Variants in DTWD2 observed in about 807,000 individuals in gnomAD.
The protein encoded by DTWD2 is tRNA-uridine aminocarboxypropyltransferase 2.
A neutral mutation model predicts 31.8 loss-of-function variants in DTWD2; 39 were observed. The ratio of observed to expected loss-of-function variants is 1.22; its 90% CI spans 0.95 to 1.60. DTWD2 has a LOEUF of 1.60. Among genes scored for constraint, DTWD2 ranks in the 40% most tolerant of loss-of-function variants. The probability of loss-of-function intolerance (pLI) is 0.00; values close to 1 mark genes in which losing one functional copy is unlikely to be tolerated. For synonymous variants in DTWD2, 180 were observed against 142.8 expected, an observed-to-expected ratio of 1.26 and a Z score of -1.86; for missense variants, 515 against 381.5, an observed-to-expected ratio of 1.35 and a Z score of -2.92.
intron 4 of DTWD2, among the ~76,000 whole-genome samples, chr5:118,872,410 C>A (rs1422630380): frequency 6.6e-6 from 1 of 152,182 alleles, no homozygotes; most frequent in Non-Finnish European, 1.5e-5. Context: ...CATTTCTAGC[C>A]TTTGATTTAA....
At chr5:118,856,588 C>G (rs1333761599) in intron 4 of DTWD2, among the ~76,000 whole-genome samples, 1 of 152,102 alleles carries the variant, frequency 6.6e-6, no homozygotes, top group Non-Finnish European at 1.5e-5. Context: ...AAAGTAGTTA[C>G]ATTATATACA....
chr5:118,843,371 G>GAGGAAGGA (rs1554060661), intron 5 of DTWD2, among the ~76,000 whole-genome samples: 1 of 143,638 alleles, frequency 7.0e-6, no homozygotes, highest in African/African-American at 2.7e-5. Context: ...GGGAGGAAGG[G>GAGGAAGGA]AGGAAGGAAG....
intron 4 of DTWD2, among the ~76,000 whole-genome samples, chr5:118,885,949 A>G (rs924197620): frequency 6.6e-6 from 1 of 152,116 alleles, no homozygotes; most frequent in African/African-American, 2.4e-5. Flanking sequence ...TAGGTAACAG[A>G]GTGAGAAATT....
chr5:118,980,049 C>G (rs299192), intron 1 of DTWD2, among the ~76,000 whole-genome samples: 80,944 of 152,112 alleles, frequency 0.53, 22,329 homozygotes, highest in East Asian at 0.97. Context: ...TCTTCATTTT[C>G]GTAACTGGAC....
At chr5:118,873,079 C>T (rs1455013424) in intron 4 of DTWD2, among the ~76,000 whole-genome samples, 1 of 152,212 alleles carries the variant, frequency 6.6e-6, no homozygotes, top group Non-Finnish European at 1.5e-5. Context: ...GAGCAATCTG[C>T]TCTCACTATG....
chr5:118,862,330 G>C (rs1752280375), intron 4 of DTWD2, among the ~76,000 whole-genome samples: 1 of 152,190 alleles, frequency 6.6e-6, no homozygotes, highest in African/African-American at 2.4e-5. Context: ...AGAACAGCTA[G>C]AAAGCTGGAG....
chr5:118,963,504 A>ATC (rs1754753155), intron 1 of DTWD2, among the ~76,000 whole-genome samples: 1 of 152,240 alleles, frequency 6.6e-6, no homozygotes, highest in Non-Finnish European at 1.5e-5. Context: ...GATGTTACAC[A>ATC]AAAGATTCTG....
At chr5:118,901,068 T>A (rs1753200155) in intron 4 of DTWD2, among the ~76,000 whole-genome samples, 1 of 151,954 alleles carries the variant, frequency 6.6e-6, no homozygotes, top group African/African-American at 2.4e-5. Context: ...TCTGCAAAGA[T>A]TCAGCTACAT....
At chr5:118,932,754 G>C (rs1271640806) in intron 3 of DTWD2, among the ~76,000 whole-genome samples, 1 of 152,112 alleles carries the variant, frequency 6.6e-6, no homozygotes, top group Non-Finnish European at 1.5e-5. Flanking sequence ...GCCAAGGAGA[G>C]GCCTCAGGAG....
At chr5:118,857,919 T>C (rs1334589907) in intron 4 of DTWD2, among the ~76,000 whole-genome samples, 2 of 152,198 alleles carry the variant, frequency 1.3e-5, no homozygotes, top group South Asian at 2.1e-4. Flanking sequence ...TCTGCCATCA[T>C]CAAGCGACTA....
intron 3 of DTWD2, among the ~76,000 whole-genome samples, chr5:118,937,743 G>C (rs1397171445): frequency 1.3e-5 from 2 of 152,108 alleles, no homozygotes; most frequent in African/African-American, 2.4e-5. Context: ...TAATCCCACA[G>C]GTCTCCCCTT....
At chr5:118,905,492 C>T (rs190860952) in intron 4 of DTWD2, among the ~76,000 whole-genome samples, 2 of 152,258 alleles carry the variant, frequency 1.3e-5, no homozygotes, top group East Asian at 3.9e-4. Context: ...AAAGTTATAA[C>T]TGCAATCATC....
At chr5:118,931,939 G>A (rs771069730) in intron 3 of DTWD2, among the ~76,000 whole-genome samples, 7 of 152,134 alleles carry the variant, frequency 4.6e-5, no homozygotes, top group East Asian at 1.9e-4. Context: ...GGAAAACTCC[G>A]CAGTATTGGA....
At chr5:118,948,458 G>A (rs2149587697) in intron 1 of DTWD2, among the ~76,000 whole-genome samples, 1 of 152,294 alleles carries the variant, frequency 6.6e-6, no homozygotes. Context: ...TCCAGCCTGG[G>A]CGACAAAGCA....
chr5:118,942,810 G>GT (rs567819155), intron 2 of DTWD2, among the ~76,000 whole-genome samples: 166 of 148,502 alleles, frequency 1.1e-3, no homozygotes, highest in Non-Finnish European at 1.4e-3. Flanking sequence ...GGTGTGGGTT[G>GT]TTTTTTTTTT....
intron 1 of DTWD2, among the ~76,000 whole-genome samples, chr5:118,960,513 G>A (rs1754682239): frequency 6.6e-6 from 1 of 152,144 alleles, no homozygotes; most frequent in African/African-American, 2.4e-5. Context: ...ATGGAAAGCG[G>A]TTTAGCAATT....
At chr5:118,893,761 G>C (rs999994704) in intron 4 of DTWD2, among the ~76,000 whole-genome samples, 18 of 151,842 alleles carry the variant, frequency 1.2e-4, no homozygotes, top group African/African-American at 4.4e-4. Context: ...CTTTAAAAAT[G>C]AATGGAGAGG....
In DTWD2 at chr5:118,847,268, G is replaced by T. The variant is rs115117840; in HGVS notation, c.726+822C>A. ...AGGCAGGAAAGAGTACCTCTTTCGC[G>T]TGTGTATGTGCGTGTGTGCATCCAT... is the stretch of plus-strand genomic sequence containing the variant. On this transcript the variant is annotated intron_variant, in intron 5 of 5. Coordinates refer to ENST00000510708, the MANE Select transcript of DTWD2 (RefSeq NM_173666.4). Among the ~76,000 whole-genome samples the T allele has an allele frequency of 4.5e-3, 690 of 152,176 alleles. 6 individuals carry two copies. The highest frequency in any genetic ancestry group is 0.016 in the African/African-American group (676 of 41,512).
intron 4 of DTWD2, among the ~76,000 whole-genome samples, chr5:118,893,233 G>A (rs1186245669): frequency 2.0e-5 from 3 of 151,696 alleles, no homozygotes; most frequent in Admixed American, 6.6e-5. Context: ...AAATTAGTAT[G>A]CTCCTGTGGT....
Sources: allele counts gnomAD v4.1 joint callset (sites outside exome capture counted in the v4.1 genomes callset), GRCh38; gene constraint gnomAD v4.1.1; transcripts MANE v1.5; gene names NCBI Gene and HGNC (gene_info 2026-07-23, HGNC 2026-07-21).